The following CNKSR2 variants were observed in gnomAD, a reference collection of about 807,000 sequenced individuals.
CNKSR2 encodes the protein CNK homolog protein 2.
Under a neutral mutation model 84.4 loss-of-function variants are expected in CNKSR2, and 14 were observed. The observed-to-expected ratio is 0.17, with a 90% CI of 0.11 to 0.26. The LOEUF (loss-of-function observed/expected upper bound fraction) is 0.26, where lower values mean the gene tolerates loss of function less well. Ranked by LOEUF, CNKSR2 falls within the 10% of genes least tolerant of loss-of-function variation. The probability of loss-of-function intolerance (pLI) is 1.00; values close to 1 mark genes in which losing one functional copy is unlikely to be tolerated. For synonymous variants in CNKSR2, 275 were observed against 277.9 expected (o/e 0.99, Z 0.10); for missense variants, 485 against 771.2 (o/e 0.63, Z 4.40).
At chrX:21,497,632 C>T (rs1460863965) in intron 6 of CNKSR2, among the ~76,000 whole-genome samples, 155 bp from the exon 7 acceptor site, 1 of 111,542 alleles carries the variant, frequency 9.0e-6, no homozygotes, top group Non-Finnish European at 1.9e-5. Flanking sequence ...TAATTTCTCA[C>T]CAGTTTAAAG....
intron 1 of CNKSR2, among the ~76,000 whole-genome samples, chrX:21,402,669 C>T (rs1185301876): frequency 9.1e-6 from 1 of 110,213 alleles, no homozygotes; most frequent in Non-Finnish European, 1.9e-5. Flanking sequence ...CCTGGTTTAC[C>T]GTCTTAATTA....
intron 11 of CNKSR2, among the ~76,000 whole-genome samples, chrX:21,545,201 G>A (rs188461718): frequency 3.7e-4 from 41 of 111,919 alleles, no homozygotes; most frequent in African/African-American, 8.1e-4. Context: ...CTTGCTGGGG[G>A]AAGGGGCGTC....
intron 20 of CNKSR2, among the ~76,000 whole-genome samples, chrX:21,627,054 G>T (rs2092626717): frequency 8.9e-6 from 1 of 111,935 alleles, no homozygotes; most frequent in Non-Finnish European, 1.9e-5. Flanking sequence ...GTTGATTTTG[G>T]ATTAGACAGC....
rs777938282 is a variant in CNKSR2, at chrX:21,383,653, G to A, written c.64+8692G>A. On this transcript the variant is annotated intron_variant, in intron 1 of 21. Coordinates refer to ENST00000379510, the MANE Select transcript of CNKSR2 (RefSeq NM_014927.5). ...GAAGAAACCTCATTAAATTAGTTGCGTTTTTAAATGTTGCTCAATATCTTT... is the reference window on the plus strand; with the variant it reads ...GAAGAAACCTCATTAAATTAGTTGCATTTTTAAATGTTGCTCAATATCTTT... 6.4e-5 allele frequency among the ~76,000 whole-genome samples: 7 copies of A among 109,966 alleles called. No individual in the cohort carries two copies. The South Asian group carries it at 1.5e-3, about 24-fold the overall frequency.
chrX:21,455,704 C>G (rs1437455413), intron 4 of CNKSR2, among the ~76,000 whole-genome samples: 1 of 112,135 alleles, frequency 8.9e-6, no homozygotes, highest in Non-Finnish European at 1.9e-5. Flanking sequence ...AGGGGTACCC[C>G]CTTAGTGTAC....
At chrX:21,592,026 C>A (rs2092424079) in intron 15 of CNKSR2, 1 of 111,339 alleles carries the variant, frequency 9.0e-6, no homozygotes, top group South Asian at 3.8e-4. Context: ...CATCAATTTG[C>A]ATTTGAATAT....
intron 4 of CNKSR2, among the ~76,000 whole-genome samples, chrX:21,470,480 T>C (rs2091184081): frequency 9.0e-6 from 1 of 111,118 alleles, no homozygotes; most frequent in South Asian, 3.8e-4. Flanking sequence ...ATTTTTTCAA[T>C]ATTTGTTTTT....
intron 5 of CNKSR2, among the ~76,000 whole-genome samples, chrX:21,481,765 G>C (rs2091322000): frequency 8.9e-6 from 1 of 112,049 alleles, no homozygotes; most frequent in Admixed American, 9.5e-5. Flanking sequence ...GAGAGGGCCT[G>C]TGTAGGGAGT....
chrX:21,525,192 G>C (rs2091823274), intron 9 of CNKSR2, among the ~76,000 whole-genome samples: 1 of 110,959 alleles, frequency 9.0e-6, no homozygotes, highest in South Asian at 3.8e-4. Flanking sequence ...AAATAAAATA[G>C]TTATTTATTT....
chrX:21,555,268 A>T (rs974550553), intron 11 of CNKSR2, among the ~76,000 whole-genome samples: 1 of 111,589 alleles, frequency 9.0e-6, no homozygotes, highest in African/African-American at 3.2e-5. Context: ...AAATTAATCA[A>T]TACAAAGTTT....
chrX:21,450,979 G>T (rs1226295973), intron 4 of CNKSR2, among the ~76,000 whole-genome samples: 1 of 112,033 alleles, frequency 8.9e-6, no homozygotes, highest in Admixed American at 9.5e-5. Context: ...GTCTATTTTT[G>T]TATAAAATAG....
chrX:21,579,432 A>C (rs776576617), intron 13 of CNKSR2, among the ~76,000 whole-genome samples: 1 of 111,702 alleles, frequency 9.0e-6, no homozygotes, highest in East Asian at 2.8e-4. Context: ...GAGTGGATTC[A>C]AGAGTGTAGC....
intron 1 of CNKSR2, among the ~76,000 whole-genome samples, chrX:21,391,787 TAGTC>T (rs2090054652): frequency 1.8e-5 from 2 of 112,472 alleles, no homozygotes; most frequent in East Asian, 2.8e-4. Flanking sequence ...TTGTACCAGA[TAGTC>T]AGACTGCAGA....
intron 9 of CNKSR2, 134 bp downstream of exon 9, chrX:21,516,765 G>A: frequency 1.8e-6 from 1 of 549,272 alleles, no homozygotes; most frequent in Non-Finnish European, 2.8e-6. Context: ...TTTGTGAAAT[G>A]ATCTCTTCAC....
intron 5 of CNKSR2, among the ~76,000 whole-genome samples, chrX:21,484,503 G>A (rs1251411844): frequency 9.0e-6 from 1 of 110,991 alleles, no homozygotes; most frequent in African/African-American, 3.3e-5. Flanking sequence ...CATCATTGTT[G>A]CCATCTTAAG....
At chrX:21,445,839 A>T (rs184850403) in intron 4 of CNKSR2, among the ~76,000 whole-genome samples, 1 of 111,750 alleles carries the variant, frequency 8.9e-6, no homozygotes, top group African/African-American at 3.2e-5. Context: ...TTCTTCATCT[A>T]TTCATCTGTT....
At chrX:21,598,867 G>A (rs777034017) in intron 17 of CNKSR2, among the ~76,000 whole-genome samples, 19 of 112,599 alleles carry the variant, frequency 1.7e-4, no homozygotes, top group African/African-American at 5.8e-4. Context: ...ATCAGTTGAT[G>A]CATATGTGTC....
intron 13 of CNKSR2, among the ~76,000 whole-genome samples, chrX:21,578,700 G>T (rs932421503): frequency 5.4e-5 from 6 of 111,175 alleles, no homozygotes; most frequent in African/African-American, 2.0e-4. Flanking sequence ...AGCAAATCAG[G>T]AAGCCTTCTA....
intron 13 of CNKSR2, 109 bp downstream of exon 13, chrX:21,563,561 A>G (rs2092211847): frequency 1.8e-6 from 1 of 566,949 alleles, no homozygotes. Flanking sequence ...GATTTTCACA[A>G]AAGAGCCTAA....
Sources: allele counts gnomAD v4.1 joint callset (sites outside exome capture counted in the v4.1 genomes callset), GRCh38; gene constraint gnomAD v4.1.1; transcripts MANE v1.5; gene names NCBI Gene and HGNC (gene_info 2026-07-23, HGNC 2026-07-21).